FAM193A: variants seen among roughly 807,000 people sequenced by gnomAD.
FAM193A encodes family with sequence similarity 193 member A.
FAM193A carries 22 observed loss-of-function variants against 126.5 expected under a neutral mutation model. That is an observed-to-expected ratio of 0.17 (90% CI 0.12 to 0.25). FAM193A has a LOEUF of 0.25. FAM193A is among the 10% of genes least tolerant of loss of function. The pLI is 1.00. For synonymous variants in FAM193A, 761 were observed against 646.8 expected (o/e 1.18, Z -2.68); for missense variants, 1,675 against 1,672.8 (o/e 1.00, Z -0.02).
At chr4:2,645,728 T>C (rs1745070099) in intron 6 of FAM193A, among the ~76,000 whole-genome samples, 1 of 152,140 alleles carries the variant, frequency 6.6e-6, no homozygotes, top group Non-Finnish European at 1.5e-5. Context: ...GGTTTCTCCA[T>C]GTTGGCCAGG....
intron 20 of FAM193A, 30 bp downstream of exon 20, chr4:2,716,134 GGTGACTGTGTGCTTGC>G (rs1719505988): frequency 5.7e-6 from 8 of 1,394,266 alleles, no homozygotes; most frequent in Non-Finnish European, 8.2e-6. Context: ...CTGAAACCGT[GGTGACTGTGTGCTTGC>G]CATACATGTT....
chr4:2,689,323 G>A (rs935910321), intron 13 of FAM193A, among the ~76,000 whole-genome samples, 183 bp from the exon 14 acceptor site: 1 of 152,154 alleles, frequency 6.6e-6, no homozygotes, highest in Non-Finnish European at 1.5e-5. Context: ...AATTTGACCT[G>A]TCGTGTACAG....
intron 8 of FAM193A, among the ~76,000 whole-genome samples, chr4:2,658,829 C>T (rs1712036801): frequency 6.6e-6 from 1 of 152,218 alleles, no homozygotes; most frequent in African/African-American, 2.4e-5. Context: ...CGGCTCACTG[C>T]AACCTCTGCC....
chr4:2,615,582 G>A (rs113465496), intron 2 of FAM193A, among the ~76,000 whole-genome samples: 30 of 152,200 alleles, frequency 2.0e-4, no homozygotes, highest in African/African-American at 6.5e-4. Context: ...GCAGTGGTGC[G>A]ATCTCGGCTC....
chr4:2,691,523 C>T (rs1216428540), intron 15 of FAM193A, among the ~76,000 whole-genome samples: 1 of 152,188 alleles, frequency 6.6e-6, no homozygotes, highest in Non-Finnish European at 1.5e-5. Context: ...GGCTGCCTGT[C>T]ACCCAGCCTA....
At chr4:2,623,722 G>T (rs1450930998) in intron 2 of FAM193A, among the ~76,000 whole-genome samples, 12 of 152,210 alleles carry the variant, frequency 7.9e-5, no homozygotes, top group Non-Finnish European at 1.8e-4. Context: ...GTCTCTCTGG[G>T]GGCTTGTCTC....
chr4:2,588,587 C>T (rs1429029754), intron 1 of FAM193A, among the ~76,000 whole-genome samples: 2 of 152,024 alleles, frequency 1.3e-5, no homozygotes, highest in Admixed American at 6.6e-5. Context: ...TGGGGCTTGT[C>T]GGGTGTGCAA....
chr4:2,609,725 C>T (rs749042798), intron 2 of FAM193A, among the ~76,000 whole-genome samples: 19 of 151,460 alleles, frequency 1.3e-4, no homozygotes, highest in Non-Finnish European at 2.5e-4. Flanking sequence ...GTCAGGAGAT[C>T]GAGACCATCC....
chr4:2,657,405 A>G (rs1711844218), intron 7 of FAM193A, among the ~76,000 whole-genome samples: 1 of 152,158 alleles, frequency 6.6e-6, no homozygotes, highest in African/African-American at 2.4e-5. Flanking sequence ...ATGCCTGTTA[A>G]TAGCTCTTCC....
chr4:2,631,245 G>T (rs1160710461), intron 5 of FAM193A, 76 bp downstream of exon 5: 20 of 1,408,566 alleles, frequency 1.4e-5, no homozygotes, highest in Non-Finnish European at 1.9e-5. Context: ...AGCTTCTCAC[G>T]CATGTGTGCC....
intron 13 of FAM193A, 89 bp from the exon 14 acceptor site, chr4:2,689,417 A>G (rs1716109606): frequency 6.4e-6 from 6 of 933,736 alleles, no homozygotes; most frequent in Middle Eastern, 2.4e-4. Context: ...CATGAGGCTC[A>G]TAATGAATTG....
intron 1 of FAM193A, among the ~76,000 whole-genome samples, chr4:2,555,308 GT>G (rs1247167102): frequency 6.6e-6 from 1 of 152,048 alleles, no homozygotes; most frequent in Non-Finnish European, 1.5e-5. Flanking sequence ...CATTTATTTT[GT>G]TTTTACTATG....
At chr4:2,647,609 G>A (rs185929067) in intron 7 of FAM193A, among the ~76,000 whole-genome samples, 79 of 152,246 alleles carry the variant, frequency 5.2e-4, no homozygotes, top group Middle Eastern at 3.4e-3. Context: ...GCTGGAGGTG[G>A]ATCTGAAGGG....
chr4:2,690,374 T>C (rs1412988498), intron 14 of FAM193A, among the ~76,000 whole-genome samples: 2 of 152,240 alleles, frequency 1.3e-5, no homozygotes, highest in African/African-American at 4.8e-5. Context: ...GATTTCTAGC[T>C]GTGTGACCTT....
intron 19 of FAM193A, among the ~76,000 whole-genome samples, chr4:2,711,162 CTTTT>C (rs2109353232): frequency 6.6e-6 from 1 of 150,880 alleles, no homozygotes; most frequent in Non-Finnish European, 1.5e-5. Flanking sequence ...ACTGTGCTTT[CTTTT>C]GTTTTACTTT....
At chr4:2,550,025 CTT>C (rs35806343) in intron 1 of FAM193A, among the ~76,000 whole-genome samples, 5 of 132,154 alleles carry the variant, frequency 3.8e-5, no homozygotes, top group Admixed American at 7.9e-5. Flanking sequence ...CCGCACCTGG[CTT>C]TTTTTTTTTT....
At chr4:2,704,934 C>T (rs534432790) in intron 19 of FAM193A, among the ~76,000 whole-genome samples, 67 of 146,436 alleles carry the variant, frequency 4.6e-4, no homozygotes, top group Non-Finnish European at 8.0e-4. Context: ...GTTTTTGAGA[C>T]GGAATCTTGC....
At chr4:2,663,406 T>A in intron 12 of FAM193A, 118 bp downstream of exon 12, 2 of 769,232 alleles carry the variant, frequency 2.6e-6, no homozygotes, top group South Asian at 2.5e-5. Flanking sequence ...AGGTTAGAAC[T>A]GAAGAGAGTC....
chr4:2,557,858 A>G (rs966983804), intron 1 of FAM193A, among the ~76,000 whole-genome samples: 1 of 152,144 alleles, frequency 6.6e-6, no homozygotes, highest in African/African-American at 2.4e-5. Context: ...AGGCTGAGGC[A>G]GAAGAATCGC....
Sources: allele counts gnomAD v4.1 joint callset (sites outside exome capture counted in the v4.1 genomes callset), GRCh38; gene constraint gnomAD v4.1.1; transcripts MANE v1.5; gene names NCBI Gene and HGNC (gene_info 2026-07-23, HGNC 2026-07-21).